Variants in KIFC1 observed in about 807,000 individuals in gnomAD.
KIFC1 encodes kinesin-like protein KIFC1.
KIFC1 carries 37 observed loss-of-function variants against 66.6 expected under a neutral mutation model. That is an observed-to-expected ratio of 0.56 (90% CI 0.43 to 0.73). The LOEUF (loss-of-function observed/expected upper bound fraction) is 0.73, where lower values mean the gene tolerates loss of function less well. Among genes scored for constraint, KIFC1 ranks in the 30% least tolerant of loss-of-function variants. KIFC1 has a pLI of 0.00. For missense variants in KIFC1, 721 were observed against 859.8 expected (o/e 0.84, Z 2.02); for synonymous variants, 325 against 343.5 (o/e 0.95, Z 0.60).
Position 33,401,051 on chromosome 6 carries a change from C to A in KIFC1, c.251-2263C>A, listed in dbSNP as rs1775346697. On this transcript the variant is annotated intron_variant, in intron 3 of 10. Coordinates refer to ENST00000428849, the MANE Select transcript of KIFC1 (RefSeq NM_002263.4). The surrounding 1 kb of genome is among the most constrained non-coding windows in gnomAD (Gnocchi z 4.5). The stretch of plus-strand genomic sequence containing the variant: ...TATCCTTATTCCTCATGCTTTTTTT[C>A]TATCTAAATTTTGTTTTGGGCGGGG... 6.6e-6 allele frequency among the ~76,000 whole-genome samples: 1 copy of A among 151,086 alleles called. No homozygotes were observed. The highest frequency in any genetic ancestry group is 2.5e-5 in the African/African-American group (1 of 40,476).
chr6:33,396,946 T>C (rs897458388), intron 1 of KIFC1, among the ~76,000 whole-genome samples: 1 of 149,646 alleles, frequency 6.7e-6, no homozygotes, highest in African/African-American at 2.5e-5. Flanking sequence ...CCTCCCAAAG[T>C]GCTGGGATTA....
rs2151078467 is a variant in KIFC1 at position 33,391,873 on chromosome 6, T to C, written c.-113T>C. The stretch of plus-strand genomic sequence containing the variant: ...GCGGGGCTGGTAGCGGCCGGAGCCG[T>C]GCGAGTTCTCTACCCTGCTTCGCGA... On this transcript the variant is annotated 5_prime_UTR_variant, in exon 1 of 11. Transcript: ENST00000428849. 3.0e-6 allele frequency: 4 copies of C among 1,328,744 alleles called. No individual in the cohort carries two copies. In the South Asian group the frequency reaches 4.9e-5, roughly 16 times the overall value. The allele number at this position is 1,328,744 out of a possible 1,614,324, so 82.3% of individuals were successfully genotyped here.
chr6:33,406,796 A>G lies in KIFC1; in HGVS notation c.1902-4A>G, dbSNP rs1775684566. ...CTGGGGTTGGGCACATTGTCTTTTCATAGGCTCATGTTTGTGAACATTTCT... is the reference window on the plus strand; with the variant it reads ...CTGGGGTTGGGCACATTGTCTTTTCGTAGGCTCATGTTTGTGAACATTTCT... On this transcript the variant is annotated splice_polypyrimidine_tract_variant and splice_region_variant and intron_variant, in intron 9 of 10. Transcript: ENST00000428849. The surrounding 1 kb of genome is among the most constrained non-coding windows in gnomAD (Gnocchi z 4.5). 2 of 1,614,108 alleles carry G rather than the reference A, an allele frequency of 1.2e-6. No individual in the cohort carries two copies. Among genetic ancestry groups the G allele is most frequent in the Non-Finnish European group, 8.5e-7 (1 of 1,180,004 alleles).
rs1193604855 is a variant in KIFC1, at chr6:33,404,924, G to A, written c.829G>A (p.Val277Met). ...GGTGGCATCTCTGCGGCAGGAGACTGTGGCCCAGGCAGCCTTACTGACTGA... is the reference window on the plus strand; with the variant it reads ...GGTGGCATCTCTGCGGCAGGAGACTATGGCCCAGGCAGCCTTACTGACTGA... ...AEVASLRQET[V>M]AQAALLTERE... The change falls in exon 7 of 11, where the codon GTG (valine) becomes ATG (methionine). Residue 277 changes from valine (V) to methionine (M), a missense_variant. Physicochemically the swap from Val to Met is conservative, Grantham distance 21 (BLOSUM62 1). Coordinates refer to ENST00000428849, the MANE Select transcript of KIFC1 (RefSeq NM_002263.4). This position sits in a 1 kb window ranked among gnomAD's most constrained non-coding sequence, Gnocchi z 4.0. 6.2e-7 allele frequency: 1 copy of A among 1,614,118 alleles called. No homozygotes were observed.
At position 33,403,097 on chromosome 6, in the gene KIFC1, G is replaced by T. The variant is rs1459815694; in HGVS notation, c.251-217G>T. Among the ~76,000 whole-genome samples, 1 of 152,078 alleles carries T rather than the reference G, an allele frequency of 6.6e-6. No individual in the cohort carries two copies. Among genetic ancestry groups the T allele is most frequent in the East Asian group, 1.9e-4 (1 of 5,200 alleles). On this transcript the variant is annotated intron_variant, in intron 3 of 10. Coordinates refer to ENST00000428849, the MANE Select transcript of KIFC1 (RefSeq NM_002263.4). This position sits in a 1 kb window ranked among gnomAD's most constrained non-coding sequence, Gnocchi z 4.6. Reference sequence around the variant, plus strand: ...CCTTGGATTTTGGTATTCTTGGGGGGTGCTGGAATCAACCCCTTTTGGATA... The same window carrying T: ...CCTTGGATTTTGGTATTCTTGGGGGTTGCTGGAATCAACCCCTTTTGGATA...
rs1183516786 is a variant in KIFC1 at position 33,406,408 on chromosome 6, G to A, written c.1749G>A (p.Arg583=). 22 of 1,609,554 alleles carry A rather than the reference G, an allele frequency of 1.4e-5. No homozygotes were observed. The highest frequency in any genetic ancestry group is 1.6e-5 in the Non-Finnish European group (19 of 1,176,846). The change falls in exon 8 of 11, where the codon CGG becomes CGA. Residue 583 remains arginine (R), a synonymous_variant. Transcript: ENST00000428849. The surrounding 1 kb of genome is among the most constrained non-coding windows in gnomAD (Gnocchi z 4.5). ...DPGLALGPGE[R]ERLRETQAIN... ...GCTTAGCCCTCGGCCCCGGGGAGCG[G>A]GAACGCCTTCGGGAAACACAGGCCA...
At position 33,403,961 on chromosome 6, in the gene KIFC1, G is replaced by C; in HGVS notation, c.588G>C (p.Gln196His). Residue 196 changes from glutamine to histidine, a missense_variant, in exon 6 of 11, where the codon CAG becomes CAC. Gln to His is a conservative substitution (Grantham distance 24). Coordinates refer to ENST00000428849, the MANE Select transcript of KIFC1 (RefSeq NM_002263.4). The surrounding 1 kb of genome is among the most constrained non-coding windows in gnomAD (Gnocchi z 4.6). ...TGGAGGGGCATTTAGCCAAGGTACAGGCCCAGGCTGAGCAGGGCCAACAGG... is the reference window on the plus strand; with the variant it reads ...TGGAGGGGCATTTAGCCAAGGTACACGCCCAGGCTGAGCAGGGCCAACAGG... ...TTLEGHLAKV[Q>H]AQAEQGQQEL... 1 of 1,614,250 alleles carries C rather than the reference G, an allele frequency of 6.2e-7. No individual in the cohort carries two copies.
At chr6:33,395,824 C>T (rs1412912792) in intron 1 of KIFC1, among the ~76,000 whole-genome samples, 1 of 152,154 alleles carries the variant, frequency 6.6e-6, no homozygotes, top group Admixed American at 6.5e-5. Flanking sequence ...TTTGATTACA[C>T]TAAATTAAAA....
rs1775710212 is a variant in KIFC1, at chr6:33,407,182, G to A, written c.1977+307G>A. The A allele has an allele frequency of 4.0e-6, 3 of 754,974 alleles. No individual in the cohort carries two copies. In the South Asian group the frequency reaches 7.5e-5, roughly 19 times the overall value. 46.8% of individuals were successfully genotyped at this position (754,974 alleles called of 1,614,324 possible). On this transcript the variant is annotated intron_variant, in intron 10 of 10. Transcript: ENST00000428849. Reference sequence around the variant, plus strand: ...CGAACACTTCGGGAGGCCAAGGCAGGAGGATTGCTTGAGCCCAGGAGTTTA... The same window carrying A: ...CGAACACTTCGGGAGGCCAAGGCAGAAGGATTGCTTGAGCCCAGGAGTTTA...
In KIFC1 at chr6:33,405,693, G is replaced by T; in HGVS notation, c.1536+62G>T. Reference sequence around the variant, plus strand: ...AGGAGTGGGCAGGGTGCCACGAGATGGAGGTAGAGGGAGAAAGGAGCAAGA... The same window carrying T: ...AGGAGTGGGCAGGGTGCCACGAGATTGAGGTAGAGGGAGAAAGGAGCAAGA... On this transcript the variant is annotated intron_variant, in intron 7 of 10. Coordinates refer to ENST00000428849, the MANE Select transcript of KIFC1 (RefSeq NM_002263.4). This position sits in a 1 kb window ranked among gnomAD's most constrained non-coding sequence, Gnocchi z 5.4. The T allele has an allele frequency of 7.2e-7, 1 of 1,389,352 alleles. No individual in the cohort carries two copies. Among genetic ancestry groups the T allele is most frequent in the Middle Eastern group, 1.9e-4 (1 of 5,352 alleles). 86.1% of individuals were successfully genotyped at this position (1,389,352 alleles called of 1,614,324 possible).
At chr6:33,408,864 C>T (rs982566007) in intron 10 of KIFC1, among the ~76,000 whole-genome samples, 25 of 152,146 alleles carry the variant, frequency 1.6e-4, no homozygotes, top group Non-Finnish European at 3.1e-4. Flanking sequence ...CTCAAATTGC[C>T]CCATCTTTAG....
intron 1 of KIFC1, 127 bp from the exon 2 acceptor site, chr6:33,397,902 G>A: frequency 1.0e-6 from 1 of 971,870 alleles, no homozygotes; most frequent in Non-Finnish European, 1.6e-6. Context: ...ACATAATTCA[G>A]CTTTTGGCAC....
In KIFC1 at chr6:33,409,599, A is replaced by G. The variant is rs201684242; in HGVS notation, c.1978-47A>G. 3.4e-5 allele frequency: 54 copies of G among 1,574,812 alleles called. 2 individuals carry two copies. In the Admixed American group the frequency reaches 6.7e-4, roughly 19 times the overall value. ...TGGGAGATCTTGGGAAAAATGTTGT[A>G]TTGGTTACGCTGCAAACTTTTATCC... is the stretch of plus-strand genomic sequence containing the variant. On this transcript the variant is annotated intron_variant, in intron 10 of 10. Coordinates refer to ENST00000428849, the MANE Select transcript of KIFC1 (RefSeq NM_002263.4).
rs962440981 is a variant in KIFC1, at chr6:33,401,661, G to T, written c.251-1653G>T. Among the ~76,000 whole-genome samples the T allele has an allele frequency of 6.6e-6, 1 of 151,760 alleles. No homozygotes were observed. Among genetic ancestry groups the T allele is most frequent in the Non-Finnish European group, 1.5e-5 (1 of 68,012 alleles). ...ATCTTCAGGGGCAGTAACACACATG[G>T]AGATGTGACTTCCTGTGATAACAAT... On this transcript the variant is annotated intron_variant, in intron 3 of 10. Transcript: ENST00000428849. This position sits in a 1 kb window ranked among gnomAD's most constrained non-coding sequence, Gnocchi z 4.5.
chr6:33,397,297 T>A (rs1213069246), intron 1 of KIFC1, among the ~76,000 whole-genome samples: 1 of 5,104 alleles, frequency 2.0e-4, no homozygotes, highest in African/African-American at 2.8e-4. Context: ...TCTAATGCCC[T>A]TTTTTTTTTT....
chr6:33,406,099 C>T lies in KIFC1; in HGVS notation c.1537-97C>T. 6.1e-6 allele frequency: 7 copies of T among 1,153,094 alleles called. No homozygotes were observed. Among genetic ancestry groups the T allele is most frequent in the Non-Finnish European group, 8.7e-6 (7 of 808,630 alleles). The allele number at this position is 1,153,094 out of a possible 1,614,324, so 71.4% of individuals were successfully genotyped here. A position where few individuals can be genotyped will look rare whatever the true frequency, so the allele number is the denominator to read the frequency against. On this transcript the variant is annotated intron_variant, in intron 7 of 10. Transcript: ENST00000428849. The surrounding 1 kb of genome is among the most constrained non-coding windows in gnomAD (Gnocchi z 4.5). ...TTTTGTTTCTTGACAGGCTAGAAAG[C>T]TTCAAGAGGGTGGGGGTGGGCTCTT...
Position 33,400,608 on chromosome 6 carries a change from G to T in KIFC1, c.250+2221G>T. ...CCCAGATTCAGGATGACCGAAGAAA[G>T]TTGCACCTTGGCCTCCTCCGAGCCG... On this transcript the variant is annotated intron_variant, in intron 3 of 10. Transcript: ENST00000428849. The surrounding 1 kb of genome is among the most constrained non-coding windows in gnomAD (Gnocchi z 4.3). The T allele has an allele frequency of 1.1e-6, 1 of 944,684 alleles. No homozygotes were observed. The highest frequency in any genetic ancestry group is 1.7e-6 in the Non-Finnish European group (1 of 605,266). The allele number at this position is 944,684 out of a possible 1,614,324, so 58.5% of individuals were successfully genotyped here. A position where few individuals can be genotyped will look rare whatever the true frequency, so the allele number is the denominator to read the frequency against.
intron 1 of KIFC1, 108 bp from the exon 2 acceptor site, chr6:33,397,921 C>A: frequency 8.6e-7 from 1 of 1,166,472 alleles, no homozygotes; most frequent in Non-Finnish European, 1.3e-6. Flanking sequence ...ACAAGTGGTG[C>A]TCAGTGCTTG....
At position 33,405,628 on chromosome 6, in the gene KIFC1, A is replaced by G; in HGVS notation, c.1533A>G (p.Lys511=). The change falls in exon 7 of 11, where the codon AAA becomes AAG. Residue 511 remains lysine (K), a synonymous_variant. Coordinates refer to ENST00000428849, the MANE Select transcript of KIFC1 (RefSeq NM_002263.4). The surrounding 1 kb of genome is among the most constrained non-coding windows in gnomAD (Gnocchi z 5.4). ...NARYVPVSCE[K]EVDALLHLAR... ...GATATGTCCCTGTCTCCTGTGAGAA[A>G]GAAGTGAGGACCCATGGGCACTGGA... 1.3e-6 allele frequency: 2 copies of G among 1,510,442 alleles called. No individual in the cohort carries two copies. Among genetic ancestry groups the G allele is most frequent in the Admixed American group, 2.1e-5 (1 of 46,862 alleles). 93.6% of individuals were successfully genotyped at this position (1,510,442 alleles called of 1,614,324 possible).
Sources: gnomAD v4.1 joint callset for allele counts (sites outside exome capture counted in the v4.1 genomes callset) on GRCh38, gnomAD v4.1.1 for gene constraint, Gnocchi (gnomAD v3.1) non-coding constraint, MANE v1.5 for transcripts, NCBI Gene and HGNC (gene_info 2026-07-23, HGNC 2026-07-21) for gene names.